NAALADL2: variants seen among roughly 807,000 people sequenced by gnomAD.
NAALADL2 encodes the protein N-acetylated alpha-linked acidic dipeptidase like 2.
A neutral mutation model predicts 87.2 loss-of-function variants in NAALADL2; 76 were observed. The observed-to-expected ratio is 0.87, with a 90% confidence interval of 0.72 to 1.05. The LOEUF (loss-of-function observed/expected upper bound fraction) is 1.05. NAALADL2 is among the 50% of genes least tolerant of loss of function. The pLI is 0.00. For synonymous variants in NAALADL2, 354 were observed against 331.0 expected, an observed-to-expected ratio of 1.07 and a Z score of -0.75; for missense variants, 1,089 against 945.8, an observed-to-expected ratio of 1.15 and a Z score of -1.99.
chr3:175,559,201 A>C lies in NAALADL2; in HGVS notation c.1654-16840A>C, dbSNP rs1715852513. ...ATTTGTGGCTATTGTAAGTGGAATT[A>C]CTTTCTTGATTGCTTTTTCAAATTG... On this transcript the variant is annotated intron_variant, in intron 9 of 13. Transcript: ENST00000454872. 2.6e-5 allele frequency among the ~76,000 whole-genome samples: 4 copies of C among 152,098 alleles called. No individual in the cohort carries two copies. In the South Asian group the frequency reaches 8.3e-4, roughly 31 times the overall value.
intron 1 of NAALADL2, among the ~76,000 whole-genome samples, chr3:175,066,183 G>A (rs983387200): frequency 1.2e-4 from 19 of 152,244 alleles, no homozygotes; most frequent in African/African-American, 4.6e-4. Flanking sequence ...TGATGAGACA[G>A]ATCCACATTT....
chr3:174,518,480 GT>G (rs1386254876), intron 1 of NAALADL2, among the ~76,000 whole-genome samples: 1 of 152,076 alleles, frequency 6.6e-6, no homozygotes, highest in African/African-American at 2.4e-5. Context: ...TGCTTGTAGT[GT>G]TTCCAAGTCC....
At chr3:175,255,524 A>G (rs1749781303) in intron 3 of NAALADL2, among the ~76,000 whole-genome samples, 2 of 152,210 alleles carry the variant, frequency 1.3e-5, no homozygotes, top group African/African-American at 4.8e-5. Context: ...GCAGATTTAC[A>G]TTATAATATA....
chr3:174,851,724 C>T (rs1284991559), intron 3 of NAALADL2, among the ~76,000 whole-genome samples: 2 of 152,092 alleles, frequency 1.3e-5, no homozygotes, highest in Non-Finnish European at 2.9e-5. Context: ...TAATTTCAAA[C>T]TCTTTCTACA....
intron 2 of NAALADL2, among the ~76,000 whole-genome samples, chr3:174,593,186 A>G (rs528426406): frequency 1.3e-5 from 2 of 152,182 alleles, no homozygotes; most frequent in Non-Finnish European, 2.9e-5. Context: ...TTCCTAATGA[A>G]TTAGTTTAAC....
intron 2 of NAALADL2, among the ~76,000 whole-genome samples, chr3:175,178,406 G>T (rs754387066): frequency 2.6e-5 from 4 of 151,862 alleles, no homozygotes; most frequent in African/African-American, 4.8e-5. Context: ...AAACTAGTCT[G>T]GTCAATTGTG....
intron 1 of NAALADL2, among the ~76,000 whole-genome samples, chr3:174,927,170 T>C (rs1736185393): frequency 6.6e-6 from 1 of 152,148 alleles, no homozygotes; most frequent in South Asian, 2.1e-4. Context: ...ATCGTAATTA[T>C]ATATGCACCC....
At chr3:174,908,554 G>C (rs1036563992) in intron 1 of NAALADL2, among the ~76,000 whole-genome samples, 1 of 151,936 alleles carries the variant, frequency 6.6e-6, no homozygotes, top group Admixed American at 6.6e-5. Context: ...ATTTGTGCGG[G>C]TATATCTAAT....
intron 4 of NAALADL2, among the ~76,000 whole-genome samples, chr3:175,272,922 AT>A (rs747881868): frequency 2.6e-4 from 39 of 152,106 alleles, no homozygotes; most frequent in Non-Finnish European, 5.0e-4. Context: ...AATAAATATA[AT>A]TATGGCAATA....
At position 175,205,548 on chromosome 3, in the gene NAALADL2, T is replaced by C. The variant is rs145801578; in HGVS notation, c.546-28383T>C. The stretch of plus-strand genomic sequence containing the variant: ...GATATTGGCTTAGGCAAGGATTTCA[T>C]GAACAAGAACCCAAAAGCAAATGCA... On this transcript the variant is annotated intron_variant, in intron 2 of 13. Transcript: ENST00000454872. Among the ~76,000 whole-genome samples the C allele has an allele frequency of 7.4e-4, 113 of 152,254 alleles. 3 individuals are homozygous for C. The East Asian group carries it at 0.021, about 28-fold the overall frequency.
intron 1 of NAALADL2, among the ~76,000 whole-genome samples, chr3:174,994,565 GT>G (rs1747177620): frequency 6.6e-6 from 1 of 151,934 alleles, no homozygotes; most frequent in African/African-American, 2.4e-5. Flanking sequence ...AGCATTGTAT[GT>G]CTTGTTGCTT....
chr3:175,052,259 G>T (rs1755503800), intron 1 of NAALADL2, among the ~76,000 whole-genome samples: 1 of 152,172 alleles, frequency 6.6e-6, no homozygotes, highest in African/African-American at 2.4e-5. Flanking sequence ...GGTGTTCCCT[G>T]CCCTCATTCC....
chr3:175,167,765 T>TA (rs894013949), intron 2 of NAALADL2, among the ~76,000 whole-genome samples: 6 of 152,036 alleles, frequency 3.9e-5, no homozygotes, highest in Non-Finnish European at 8.8e-5. Context: ...AGGTTTCAGT[T>TA]AAAAAACAGC....
intron 2 of NAALADL2, among the ~76,000 whole-genome samples, chr3:174,617,706 G>C (rs1052036388): frequency 6.6e-6 from 1 of 151,652 alleles, no homozygotes; most frequent in African/African-American, 2.4e-5. Flanking sequence ...AAATGAAAAA[G>C]GCATTTGTGG....
chr3:175,036,939 C>T (rs757900576), intron 1 of NAALADL2, among the ~76,000 whole-genome samples: 10 of 151,592 alleles, frequency 6.6e-5, no homozygotes, highest in Admixed American at 1.3e-4. Flanking sequence ...GATACAGTCA[C>T]TCCTCCTACA....
chr3:175,107,130 T>C (rs1395557115), intron 2 of NAALADL2, among the ~76,000 whole-genome samples: 7 of 152,036 alleles, frequency 4.6e-5, no homozygotes, highest in Admixed American at 3.9e-4. Context: ...CAGTGTAATG[T>C]TTAATTTTAT....
intron 2 of NAALADL2, among the ~76,000 whole-genome samples, chr3:174,569,303 A>G (rs190163935): frequency 2.3e-4 from 35 of 152,110 alleles, no homozygotes; most frequent in Non-Finnish European, 4.3e-4. Flanking sequence ...TATAAAATTA[A>G]TAATGTAAGA....
At chr3:174,844,684 T>C (rs1485648690) in intron 3 of NAALADL2, among the ~76,000 whole-genome samples, 2 of 150,524 alleles carry the variant, frequency 1.3e-5, no homozygotes, top group East Asian at 3.9e-4. Flanking sequence ...AAATATTTTA[T>C]AATTTTCAGT....
intron 5 of NAALADL2, among the ~76,000 whole-genome samples, chr3:175,423,051 A>ATATATATATTTATTTT: frequency 1.1e-5 from 1 of 91,510 alleles, no homozygotes; most frequent in Non-Finnish European, 2.0e-5. Context: ...ATATATATAT[A>ATATATATATTTATTTT]TTTTTTTTTT....
Sources: allele counts gnomAD v4.1 joint callset (sites outside exome capture counted in the v4.1 genomes callset), GRCh38; gene constraint gnomAD v4.1.1; transcripts MANE v1.5; gene names NCBI Gene and HGNC (gene_info 2026-07-23, HGNC 2026-07-21).